The following ZSCAN4 variants were observed in gnomAD, a reference collection of about 807,000 sequenced individuals.
ZSCAN4 encodes the protein zinc finger and SCAN domain containing 4, also known as zinc finger and SCAN domain-containing protein 4.
A neutral mutation model predicts 18.3 loss-of-function variants in ZSCAN4; 18 were observed. The observed-to-expected ratio is 0.98, with a 90% CI of 0.68 to 1.46. The LOEUF (loss-of-function observed/expected upper bound fraction) is 1.46. Ranked by LOEUF, ZSCAN4 falls within the 40% of genes most tolerant of loss-of-function variation. The pLI is 0.00. For missense variants in ZSCAN4, 498 were observed against 511.4 expected, an observed-to-expected ratio of 0.97 and a Z score of 0.25; for synonymous variants, 193 against 180.3, an observed-to-expected ratio of 1.07 and a Z score of -0.57.
intron 2 of ZSCAN4, among the ~76,000 whole-genome samples, chr19:57,673,470 G>A (rs569362055): frequency 9.2e-5 from 14 of 152,168 alleles, no homozygotes; most frequent in Middle Eastern, 3.4e-3. Context: ...GTCTCGAAAA[G>A]AAAATTTTTA....
upstream of ZSCAN4, chr19:57,664,719 G>A (rs1296459084): frequency 9.0e-6 from 2 of 221,568 alleles, no homozygotes; most frequent in African/African-American, 4.6e-5. Context: ...TTCGAATTCA[G>A]TGGGGCAAGC....
exon 5 of ZSCAN4, chr19:57,678,292 C>T: frequency 6.2e-7 from 1 of 1,614,166 alleles, no homozygotes; most frequent in Non-Finnish European, 8.5e-7. Context: ...GGTCCTAGGC[C>T]TGAAGAGGGA....
the ZSCAN4 span, among the ~76,000 whole-genome samples, chr19:57,654,392 C>T: frequency 5.3e-5 from 8 of 152,222 alleles, no homozygotes; most frequent in South Asian, 2.1e-4. Flanking sequence ...CCAAGGTTTG[C>T]GATGTTTCCA....
chr19:57,654,829 G>A, the ZSCAN4 span, among the ~76,000 whole-genome samples: 1 of 152,126 alleles, frequency 6.6e-6, no homozygotes, highest in Non-Finnish European at 1.5e-5. Context: ...CATCCGCACA[G>A]CTAACATGGA....
At chr19:57,657,366 A>C in the ZSCAN4 span, among the ~76,000 whole-genome samples, 1 of 152,196 alleles carries the variant, frequency 6.6e-6, no homozygotes, top group African/African-American at 2.4e-5. Context: ...ATATAAATGC[A>C]TGAAAATAAG....
At chr19:57,658,627 A>G in the ZSCAN4 span, among the ~76,000 whole-genome samples, 1 of 152,144 alleles carries the variant, frequency 6.6e-6, no homozygotes, top group African/African-American at 2.4e-5. Flanking sequence ...TGAGATCAGG[A>G]GTTCAAGACT....
chr19:57,667,358 C>A (rs1983883315), upstream of ZSCAN4, among the ~76,000 whole-genome samples: 1 of 152,160 alleles, frequency 6.6e-6, no homozygotes, highest in African/African-American at 2.4e-5. Context: ...CTTAATGTAG[C>A]ATTCAGAGTC....
upstream of ZSCAN4, chr19:57,664,223 A>G (rs1032646808): frequency 2.6e-5 from 4 of 151,920 alleles, no homozygotes; most frequent in African/African-American, 9.7e-5. Flanking sequence ...GAGGGAGGGA[A>G]AAGAAATTCC....
upstream of ZSCAN4, among the ~76,000 whole-genome samples, chr19:57,668,585 T>A (rs936991483): frequency 6.6e-6 from 1 of 152,082 alleles, no homozygotes; most frequent in Non-Finnish European, 1.5e-5. Context: ...CTCCCACCCC[T>A]TCGATACGTT....
intron 3 of ZSCAN4, 52 bp downstream of exon 3, chr19:57,676,593 T>C (rs1237565098): frequency 1.3e-6 from 2 of 1,538,888 alleles, no homozygotes; most frequent in Non-Finnish European, 1.7e-6. Flanking sequence ...AAGTAAGGAA[T>C]AAATCACAGT....
chr19:57,667,608 CTCTTACTGAT>C (rs1983890214), upstream of ZSCAN4, among the ~76,000 whole-genome samples: 1 of 152,240 alleles, frequency 6.6e-6, no homozygotes, highest in African/African-American at 2.4e-5. Flanking sequence ...GCTATTACTA[CTCTTACTGAT>C]ATCATCGTGC....
the ZSCAN4 span, among the ~76,000 whole-genome samples, chr19:57,661,143 A>G: frequency 7.9e-5 from 12 of 152,244 alleles, no homozygotes; most frequent in African/African-American, 2.9e-4. Flanking sequence ...TTTTACCAGT[A>G]ATTTCATAAC....
At chr19:57,676,566 G>C in intron 3 of ZSCAN4, 25 bp downstream of exon 3, 1 of 1,569,110 alleles carries the variant, frequency 6.4e-7, no homozygotes, top group Non-Finnish European at 8.6e-7. Context: ...CTAACTTCTG[G>C]GATGAGAGAC....
At chr19:57,655,248 A>G in the ZSCAN4 span, among the ~76,000 whole-genome samples, 1 of 152,194 alleles carries the variant, frequency 6.6e-6, no homozygotes, top group Admixed American at 6.5e-5. Context: ...GCTGCTGTAC[A>G]CCACATCACG....
chr19:57,665,657 C>A (rs1983832304), upstream of ZSCAN4, among the ~76,000 whole-genome samples: 1 of 152,150 alleles, frequency 6.6e-6, no homozygotes, highest in South Asian at 2.1e-4. Context: ...CGGTGGCTCA[C>A]TCCTGTAATC....
At chr19:57,678,655 A>G in exon 5 of ZSCAN4, 1 of 1,614,138 alleles carries the variant, frequency 6.2e-7, no homozygotes, top group Non-Finnish European at 8.5e-7. Context: ...GGCTTCTTCC[A>G]GATATCAGAC....
exon 5 of ZSCAN4, chr19:57,678,250 T>C (rs1568452697): frequency 6.2e-7 from 1 of 1,614,040 alleles, no homozygotes; most frequent in African/African-American, 1.3e-5. Flanking sequence ...GGCAATCAAA[T>C]AGTTTCCCTA....
At chr19:57,660,848 G>C in the ZSCAN4 span, among the ~76,000 whole-genome samples, 2 of 152,058 alleles carry the variant, frequency 1.3e-5, no homozygotes, top group Non-Finnish European at 2.9e-5. Flanking sequence ...GTGAGTGAAG[G>C]GCATTTTTAC....
the ZSCAN4 span, among the ~76,000 whole-genome samples, chr19:57,651,568 TCTACAGG>T: frequency 6.6e-6 from 1 of 152,222 alleles, no homozygotes; most frequent in African/African-American, 2.4e-5. Flanking sequence ...GGTGTCCCCG[TCTACAGG>T]CCTTTGTTCA....
Sources: allele counts gnomAD v4.1 joint callset (sites outside exome capture counted in the v4.1 genomes callset), GRCh38; gene constraint gnomAD v4.1.1; transcripts MANE v1.5; gene names NCBI Gene and HGNC (gene_info 2026-07-23, HGNC 2026-07-21).